The following SMIM31 variants were observed in gnomAD, a reference collection of about 807,000 sequenced individuals.
SMIM31 encodes the protein human epithelial cell program regulator.
chr4:164,797,807 T>A (rs1733224657), intron 2 of SMIM31, among the ~76,000 whole-genome samples: 1 of 152,082 alleles, frequency 6.6e-6, no homozygotes, highest in Admixed American at 6.6e-5. Context: ...AGTGGTGAAA[T>A]CTGGGCTTTT....
intron 2 of SMIM31, among the ~76,000 whole-genome samples, chr4:164,777,134 A>T (rs16999524): frequency 0.035 from 5,377 of 152,318 alleles, 322 homozygotes; most frequent in African/African-American, 0.12. Flanking sequence ...CAGGCTTTTC[A>T]TGATGGTCTT....
At chr4:164,769,606 G>T (rs958730845) in intron 1 of SMIM31, among the ~76,000 whole-genome samples, 1 of 107,814 alleles carries the variant, frequency 9.3e-6, no homozygotes, top group Non-Finnish European at 1.8e-5. Flanking sequence ...GGGGTGGGGG[G>T]AGGGGGGAGG....
chr4:164,758,622 C>CTTTTT lies in SMIM31; in HGVS notation c.-26+4214_-26+4218dup, dbSNP rs779023276. On this transcript the variant is annotated intron_variant, in intron 1 of 2. Transcript: ENST00000507311. The stretch of plus-strand genomic sequence containing the variant: ...GGAAATGACCATATATGTAGTTTTC[C>CTTTTT]TTTTTTTGTTTTTTTTTTTTTTTTT... Among the ~76,000 whole-genome samples the CTTTTT allele has an allele frequency of 1.5e-3, 163 of 105,390 alleles. 17 individuals carry two copies. Among genetic ancestry groups the CTTTTT allele is most frequent in the Non-Finnish European group, 2.0e-3 (105 of 51,302 alleles). The allele number at this position is 105,390 out of a possible 152,430, so 69.1% of individuals were successfully genotyped here.
intron 2 of SMIM31, among the ~76,000 whole-genome samples, chr4:164,794,203 C>T (rs1443272448): frequency 2.6e-5 from 4 of 151,530 alleles, no homozygotes; most frequent in African/African-American, 9.7e-5. Context: ...ATAAGGAAAC[C>T]CCATCTCTAC....
intron 2 of SMIM31, among the ~76,000 whole-genome samples, chr4:164,794,213 CA>C (rs928512461): frequency 4.0e-5 from 6 of 151,728 alleles, no homozygotes; most frequent in African/African-American, 1.5e-4. Flanking sequence ...CCCATCTCTA[CA>C]AAAAATTTTA....
chr4:164,764,507 C>G (rs577824918), intron 1 of SMIM31, among the ~76,000 whole-genome samples: 16 of 149,386 alleles, frequency 1.1e-4, no homozygotes, highest in Non-Finnish European at 1.9e-4. Context: ...GCGGAGGTTG[C>G]AGTGAGCCAA....
intron 2 of SMIM31, among the ~76,000 whole-genome samples, chr4:164,793,415 T>C (rs954367159): frequency 3.3e-5 from 5 of 152,140 alleles, no homozygotes; most frequent in African/African-American, 4.8e-5. Context: ...AAGAATGAAG[T>C]TGGACCTTCA....
chr4:164,762,822 G>A (rs987661488), intron 1 of SMIM31, among the ~76,000 whole-genome samples: 7 of 152,186 alleles, frequency 4.6e-5, no homozygotes, highest in Non-Finnish European at 1.0e-4. Flanking sequence ...GAGCTACACA[G>A]TTGTGGGTGA....
intron 1 of SMIM31, among the ~76,000 whole-genome samples, chr4:164,763,576 G>A (rs1394966767): frequency 6.6e-6 from 1 of 152,164 alleles, no homozygotes; most frequent in African/African-American, 2.4e-5. Flanking sequence ...CTCAATGACT[G>A]TATGATTGAG....
chr4:164,777,027 G>C (rs183728303), intron 2 of SMIM31, among the ~76,000 whole-genome samples: 1 of 152,078 alleles, frequency 6.6e-6, no homozygotes, highest in Non-Finnish European at 1.5e-5. Context: ...GCTGATTTAC[G>C]CAAAAAGATG....
At chr4:164,785,254 AAT>A (rs1310958282) in intron 2 of SMIM31, among the ~76,000 whole-genome samples, 1 of 152,038 alleles carries the variant, frequency 6.6e-6, no homozygotes, top group African/African-American at 2.4e-5. Flanking sequence ...ATAAAAAAAA[AAT>A]CTTGTAACAT....
chr4:164,774,850 C>T (rs1289726365), intron 2 of SMIM31, among the ~76,000 whole-genome samples: 3 of 151,856 alleles, frequency 2.0e-5, no homozygotes, highest in Non-Finnish European at 4.4e-5. Flanking sequence ...CAAGTAAATT[C>T]ACTTTAGTTG....
intron 2 of SMIM31, among the ~76,000 whole-genome samples, chr4:164,778,488 A>C (rs777309962): frequency 6.6e-6 from 1 of 152,224 alleles, no homozygotes; most frequent in Non-Finnish European, 1.5e-5. Flanking sequence ...TGAAAAATTT[A>C]TTCCCTTGGT....
chr4:164,797,465 CTTTTTT>C, intron 2 of SMIM31, among the ~76,000 whole-genome samples: 1 of 131,336 alleles, frequency 7.6e-6, no homozygotes, highest in South Asian at 2.4e-4. Flanking sequence ...GATTTCTTTT[CTTTTTT>C]TTTTTTTTTT....
chr4:164,780,740 C>A (rs2110944719), intron 2 of SMIM31, among the ~76,000 whole-genome samples: 1 of 152,256 alleles, frequency 6.6e-6, no homozygotes, highest in South Asian at 2.1e-4. Flanking sequence ...CCAGACAAAC[C>A]TAAAACCATA....
chr4:164,784,376 C>T (rs1733000015), intron 2 of SMIM31, among the ~76,000 whole-genome samples: 2 of 152,128 alleles, frequency 1.3e-5, no homozygotes, highest in Admixed American at 6.5e-5. Flanking sequence ...TGCTAGACGC[C>T]GTTGGTTCTT....
At chr4:164,780,375 C>G (rs182454366) in intron 2 of SMIM31, among the ~76,000 whole-genome samples, 1 of 152,094 alleles carries the variant, frequency 6.6e-6, no homozygotes, top group African/African-American at 2.4e-5. Context: ...TGCAGTGAGC[C>G]GAGATTGCGC....
chr4:164,774,616 T>A (rs986719460), intron 2 of SMIM31, among the ~76,000 whole-genome samples: 1 of 152,230 alleles, frequency 6.6e-6, no homozygotes, highest in Non-Finnish European at 1.5e-5. Flanking sequence ...GGAGCTATGA[T>A]GCAAATGTGT....
intron 1 of SMIM31, among the ~76,000 whole-genome samples, chr4:164,760,939 T>C (rs1732641609): frequency 6.6e-6 from 1 of 152,072 alleles, no homozygotes; most frequent in African/African-American, 2.4e-5. Context: ...CACATTAAGT[T>C]TGAGAAATAG....
Sources: allele counts gnomAD v4.1 joint callset (sites outside exome capture counted in the v4.1 genomes callset), GRCh38; gene constraint gnomAD v4.1.1; transcripts MANE v1.5; gene names NCBI Gene and HGNC (gene_info 2026-07-23, HGNC 2026-07-21).